The following CEP112 variants were observed in gnomAD, a reference collection of about 807,000 sequenced individuals.
The protein encoded by CEP112 is centrosomal protein of 112 kDa.
Under a neutral mutation model 153.0 loss-of-function variants are expected in CEP112, and 127 were observed. The ratio of observed to expected loss-of-function variants is 0.83; its 90% CI spans 0.72 to 0.96. CEP112 has a LOEUF of 0.96. Ranked by LOEUF, CEP112 falls within the 40% of genes least tolerant of loss-of-function variation. The probability of loss-of-function intolerance (pLI) is 0.00; values close to 1 mark genes in which losing one functional copy is unlikely to be tolerated. For synonymous variants in CEP112, 358 were observed against 374.4 expected, an observed-to-expected ratio of 0.96 and a Z score of 0.51; for missense variants, 1,089 against 1,101.2, an observed-to-expected ratio of 0.99 and a Z score of 0.16.
At chr17:65,889,820 C>T (rs1398399954) in intron 20 of CEP112, among the ~76,000 whole-genome samples, 1 of 152,042 alleles carries the variant, frequency 6.6e-6, no homozygotes, top group African/African-American at 2.4e-5. Context: ...ATCAACTTTC[C>T]CCATTGTCAC....
intron 20 of CEP112, among the ~76,000 whole-genome samples, chr17:65,879,459 A>AT (rs2058973809): frequency 6.6e-6 from 1 of 152,202 alleles, no homozygotes; most frequent in South Asian, 2.1e-4. Context: ...TAAATTAACA[A>AT]ATTTCTGTTC....
chr17:66,008,848 C>A (rs866454924), intron 16 of CEP112, among the ~76,000 whole-genome samples: 8 of 144,012 alleles, frequency 5.6e-5, no homozygotes, highest in Non-Finnish European at 9.1e-5. Context: ...TTTTTTAAGG[C>A]TGCATAGTAT....
intron 20 of CEP112, among the ~76,000 whole-genome samples, chr17:65,884,316 G>A (rs1407810287): frequency 3.9e-5 from 6 of 152,196 alleles, no homozygotes; most frequent in African/African-American, 1.4e-4. Context: ...TATTTGCAGT[G>A]ATGAATATCT....
rs184444772 is a variant in CEP112, at chr17:65,799,968, C to T, written c.2395-49244G>A. On this transcript the variant is annotated intron_variant, in intron 21 of 26. Coordinates refer to ENST00000535342, the MANE Select transcript of CEP112 (RefSeq NM_001199165.4). ...TGTATTAAGAGATTTATATAAACTACAGGTGAGTCATACATAATTCCTCGG... is the reference window on the plus strand; with the variant it reads ...TGTATTAAGAGATTTATATAAACTATAGGTGAGTCATACATAATTCCTCGG... Among the ~76,000 whole-genome samples the T allele has an allele frequency of 5.2e-4, 79 of 152,304 alleles. 1 individual carries two copies. In the East Asian group the frequency reaches 7.3e-3, roughly 14 times the overall value.
At chr17:65,741,498 T>A (rs1419023622) in intron 23 of CEP112, among the ~76,000 whole-genome samples, 1 of 150,734 alleles carries the variant, frequency 6.6e-6, no homozygotes, top group Non-Finnish European at 1.5e-5. Context: ...AATTAATAAC[T>A]AAATTATTAT....
chr17:66,059,563 G>A (rs1284566129), intron 11 of CEP112, among the ~76,000 whole-genome samples: 1 of 152,102 alleles, frequency 6.6e-6, no homozygotes, highest in East Asian at 1.9e-4. Flanking sequence ...AACATCACAC[G>A]TCATCAGAGA....
chr17:65,955,871 A>G (rs927057407), intron 18 of CEP112, among the ~76,000 whole-genome samples: 5 of 152,184 alleles, frequency 3.3e-5, no homozygotes, highest in Admixed American at 3.3e-4. Context: ...ACTAGACCTA[A>G]GAAATGAGAC....
chr17:65,784,405 A>G (rs1199746758), intron 21 of CEP112, among the ~76,000 whole-genome samples: 1 of 152,218 alleles, frequency 6.6e-6, no homozygotes, highest in East Asian at 1.9e-4. Context: ...TAAACCCAAA[A>G]GAACTATTTG....
intron 24 of CEP112, among the ~76,000 whole-genome samples, chr17:65,648,161 A>T: frequency 6.6e-6 from 1 of 152,088 alleles, no homozygotes; most frequent in South Asian, 2.1e-4. Context: ...ATCATCCTCA[A>T]AAAGCACTGT....
intron 4 of CEP112, among the ~76,000 whole-genome samples, chr17:66,144,139 T>G (rs1473165151): frequency 6.6e-6 from 1 of 152,158 alleles, no homozygotes; most frequent in East Asian, 1.9e-4. Context: ...ACCATATCCT[T>G]GTAAAATGCA....
intron 20 of CEP112, among the ~76,000 whole-genome samples, chr17:65,898,577 A>C (rs2059736350): frequency 6.6e-6 from 1 of 152,156 alleles, no homozygotes; most frequent in Non-Finnish European, 1.5e-5. Flanking sequence ...AAAATTGTTC[A>C]TATTAGATTT....
intron 4 of CEP112, among the ~76,000 whole-genome samples, chr17:66,145,189 T>A (rs370970765): frequency 5.9e-5 from 9 of 152,342 alleles, no homozygotes; most frequent in African/African-American, 2.2e-4. Flanking sequence ...GCCATTTACA[T>A]ATTTTCTCTT....
intron 12 of CEP112, among the ~76,000 whole-genome samples, chr17:66,034,211 A>G (rs1354907653): frequency 6.6e-6 from 1 of 152,210 alleles, no homozygotes; most frequent in Non-Finnish European, 1.5e-5. Context: ...TTCTGGCCAT[A>G]TTATAGAAAA....
intron 6 of CEP112, among the ~76,000 whole-genome samples, chr17:66,112,012 C>T (rs919508861): frequency 2.6e-5 from 4 of 152,112 alleles, no homozygotes; most frequent in African/African-American, 4.8e-5. Context: ...ATGAAAAGGC[C>T]GGGTGCGGTG....
At chr17:65,855,291 A>C (rs547866118) in intron 20 of CEP112, among the ~76,000 whole-genome samples, 5 of 152,314 alleles carry the variant, frequency 3.3e-5, no homozygotes, top group Admixed American at 3.3e-4. Flanking sequence ...AGAACTCAAC[A>C]TAGTGTTGAC....
chr17:66,131,302 C>A (rs1314033913), intron 5 of CEP112, among the ~76,000 whole-genome samples: 3 of 152,150 alleles, frequency 2.0e-5, no homozygotes, highest in Non-Finnish European at 4.4e-5. Flanking sequence ...TTAAATAAGA[C>A]AATGTACCTG....
intron 25 of CEP112, 88 bp downstream of exon 25, chr17:65,640,876 G>C: frequency 2.6e-6 from 2 of 773,968 alleles, no homozygotes; most frequent in East Asian, 2.5e-5. Flanking sequence ...ATTGATTTCT[G>C]GCAACAATTT....
chr17:65,724,976 T>C (rs1187884154), intron 23 of CEP112, among the ~76,000 whole-genome samples: 1 of 152,182 alleles, frequency 6.6e-6, no homozygotes, highest in Admixed American at 6.5e-5. Context: ...TTCTTCTCCC[T>C]TCCTGCCCCA....
At chr17:65,861,737 A>C (rs997044088) in intron 20 of CEP112, among the ~76,000 whole-genome samples, 1 of 151,916 alleles carries the variant, frequency 6.6e-6, no homozygotes, top group African/African-American at 2.4e-5. Flanking sequence ...GAAGTCTGAC[A>C]ATACCAAATG....
Sources: allele counts gnomAD v4.1 joint callset (sites outside exome capture counted in the v4.1 genomes callset), GRCh38; gene constraint gnomAD v4.1.1; transcripts MANE v1.5; gene names NCBI Gene and HGNC (gene_info 2026-07-23, HGNC 2026-07-21).